The following MEGF11 variants were observed in gnomAD, a reference collection of about 807,000 sequenced individuals.
MEGF11 encodes multiple epidermal growth factor-like domains protein 11.
In MEGF11, 126 loss-of-function variants were observed where a neutral mutation model predicts 146.6. The observed-to-expected ratio is 0.86, with a 90% CI of 0.74 to 1.00. The LOEUF (loss-of-function observed/expected upper bound fraction) is 1.00, where lower values mean the gene tolerates loss of function less well. Among genes scored for constraint, MEGF11 ranks in the 50% least tolerant of loss-of-function variants. MEGF11 has a pLI of 0.00. For missense variants in MEGF11, 1,509 were observed against 1,521.2 expected (o/e 0.99, Z 0.13); for synonymous variants, 532 against 583.4 (o/e 0.91, Z 1.27).
intron 5 of MEGF11, among the ~76,000 whole-genome samples, chr15:66,062,026 G>T (rs774734572): frequency 6.6e-6 from 1 of 152,246 alleles, no homozygotes; most frequent in Non-Finnish European, 1.5e-5. Context: ...TCCCAAAAGT[G>T]CTGGGATTAC....
chr15:66,141,713 G>T (rs2089176333), intron 1 of MEGF11, among the ~76,000 whole-genome samples: 1 of 152,156 alleles, frequency 6.6e-6, no homozygotes, highest in Admixed American at 6.5e-5. Flanking sequence ...TGGCCCCGAA[G>T]GTCCCTTTGG....
intron 1 of MEGF11, among the ~76,000 whole-genome samples, chr15:66,154,030 C>A (rs2089661248): frequency 6.6e-6 from 1 of 152,210 alleles, no homozygotes; most frequent in Non-Finnish European, 1.5e-5. Flanking sequence ...CATGGCCACC[C>A]TTGCAGCTGG....
chr15:66,092,122 A>T (rs1163564595), intron 5 of MEGF11, among the ~76,000 whole-genome samples: 2 of 144,804 alleles, frequency 1.4e-5, no homozygotes, highest in Non-Finnish European at 3.1e-5. Flanking sequence ...ACCAATCAGT[A>T]GAAGCTAAAA....
chr15:66,015,889 C>G (rs1364667551), intron 5 of MEGF11, among the ~76,000 whole-genome samples: 1 of 118,694 alleles, frequency 8.4e-6, no homozygotes, highest in Non-Finnish European at 1.6e-5. Flanking sequence ...TTTCCCTGTG[C>G]TACTGTGTGG....
intron 5 of MEGF11, among the ~76,000 whole-genome samples, chr15:66,081,772 A>G (rs1276628835): frequency 6.6e-6 from 1 of 152,210 alleles, no homozygotes; most frequent in Non-Finnish European, 1.5e-5. Flanking sequence ...GCTTTCCTGT[A>G]TGTTAAGGCA....
At chr15:66,166,098 G>A (rs1053362946) in intron 1 of MEGF11, among the ~76,000 whole-genome samples, 3 of 152,152 alleles carry the variant, frequency 2.0e-5, no homozygotes, top group Non-Finnish European at 2.9e-5. Flanking sequence ...TCACCCCTGA[G>A]CTCCAGATCC....
At chr15:66,005,928 C>T (rs1596980438) in intron 5 of MEGF11, among the ~76,000 whole-genome samples, 1 of 152,298 alleles carries the variant, frequency 6.6e-6, no homozygotes, top group Admixed American at 6.5e-5. Flanking sequence ...CTTCTCCAAC[C>T]CTCAGTTTTC....
At chr15:65,926,675 A>G (rs1160132774) in intron 13 of MEGF11, among the ~76,000 whole-genome samples, 2 of 152,184 alleles carry the variant, frequency 1.3e-5, no homozygotes, top group Non-Finnish European at 2.9e-5. Flanking sequence ...CAGGACATCA[A>G]TCACTTCTTT....
intron 17 of MEGF11, 145 bp downstream of exon 17, chr15:65,916,683 G>A (rs779861916): frequency 1.6e-5 from 22 of 1,396,428 alleles, no homozygotes; most frequent in Non-Finnish European, 2.0e-5. Context: ...GAGCTCCTCA[G>A]TTCTCGTGGG....
intron 1 of MEGF11, among the ~76,000 whole-genome samples, chr15:66,245,159 A>G (rs1054101622): frequency 1.3e-5 from 2 of 152,186 alleles, no homozygotes; most frequent in African/African-American, 4.8e-5. Flanking sequence ...AACACAGGGA[A>G]AGACAGAACT....
chr15:66,178,955 A>G (rs1392217618), intron 1 of MEGF11, among the ~76,000 whole-genome samples: 1 of 152,224 alleles, frequency 6.6e-6, no homozygotes, highest in African/African-American at 2.4e-5. Flanking sequence ...CTGAAAACTT[A>G]TTCCATGACA....
intron 23 of MEGF11, among the ~76,000 whole-genome samples, chr15:65,907,988 C>G (rs2078680780): frequency 6.6e-6 from 1 of 152,192 alleles, no homozygotes; most frequent in African/African-American, 2.4e-5. Flanking sequence ...AGGATACTCC[C>G]TTGTAGAAAG....
intron 1 of MEGF11, among the ~76,000 whole-genome samples, chr15:66,170,139 A>G (rs1294234464): frequency 9.2e-5 from 14 of 152,202 alleles, no homozygotes; most frequent in Admixed American, 9.2e-4. Context: ...TATAATCACA[A>G]TAATAATAGC....
chr15:65,918,797 G>T (rs1434026106), intron 15 of MEGF11, among the ~76,000 whole-genome samples: 2 of 152,210 alleles, frequency 1.3e-5, no homozygotes, highest in East Asian at 3.8e-4. Context: ...GGTTTCCTCA[G>T]TCAGGCTGCA....
intron 1 of MEGF11, among the ~76,000 whole-genome samples, chr15:66,189,790 A>G (rs746005421): frequency 6.6e-6 from 1 of 152,074 alleles, no homozygotes; most frequent in Non-Finnish European, 1.5e-5. Context: ...TAGTTGCTCA[A>G]ATAATGGGGC....
At position 66,024,204 on chromosome 15, in the gene MEGF11, G is replaced by A. The variant is rs145428552; in HGVS notation, c.395-41716C>T. 4.8e-3 allele frequency among the ~76,000 whole-genome samples: 736 copies of A among 152,360 alleles called. 9 individuals carry two copies. The highest frequency in any genetic ancestry group is 0.017 in the African/African-American group (696 of 41,592). ...TGGAAGAATTTTAAAAGCCACAAAG[G>A]CCTCCATTTAGAGTTCAGGTACTTT... On this transcript the variant is annotated intron_variant, in intron 5 of 25. Coordinates refer to ENST00000395614, the MANE Select transcript of MEGF11 (RefSeq NM_001385028.1).
chr15:66,107,995 C>G (rs1454557780), intron 4 of MEGF11, among the ~76,000 whole-genome samples: 2 of 152,120 alleles, frequency 1.3e-5, no homozygotes, highest in Non-Finnish European at 2.9e-5. Flanking sequence ...GTGGGGCTCC[C>G]AGAGAATGTT....
chr15:66,109,323 A>G (rs539010288), intron 4 of MEGF11, among the ~76,000 whole-genome samples: 2 of 151,982 alleles, frequency 1.3e-5, no homozygotes, highest in Admixed American at 1.3e-4. Context: ...CCCCTTGTTG[A>G]CCTCATGAGA....
In MEGF11 at chr15:66,059,867, G is replaced by T. The variant is rs73483427; in HGVS notation, c.394+34535C>A. 7.2e-3 allele frequency among the ~76,000 whole-genome samples: 1,095 copies of T among 152,272 alleles called. 14 individuals carry two copies. Among genetic ancestry groups the T allele is most frequent in the African/African-American group, 0.025 (1,034 of 41,548 alleles). On this transcript the variant is annotated intron_variant, in intron 5 of 25. Coordinates refer to ENST00000395614, the MANE Select transcript of MEGF11 (RefSeq NM_001385028.1). Reference sequence around the variant, plus strand: ...TACCTAATTATAGTAAAACAAACAAGCTGGAAACTAAGGCAAATCTGCTAT... The same window carrying T: ...TACCTAATTATAGTAAAACAAACAATCTGGAAACTAAGGCAAATCTGCTAT...
Sources: gnomAD v4.1 joint callset for allele counts (sites outside exome capture counted in the v4.1 genomes callset) on GRCh38, gnomAD v4.1.1 for gene constraint, MANE v1.5 for transcripts, NCBI Gene and HGNC (gene_info 2026-07-23, HGNC 2026-07-21) for gene names.